The following BMAL1 variants were observed in gnomAD, a reference collection of about 807,000 sequenced individuals.
BMAL1 encodes the protein basic helix-loop-helix ARNT like 1.
the BMAL1 span, among the ~76,000 whole-genome samples, chr11:13,348,987 G>A: frequency 6.6e-6 from 1 of 152,228 alleles, no homozygotes; most frequent in South Asian, 2.1e-4. Flanking sequence ...TCAAGGCAGT[G>A]CAGGGATGGA....
the BMAL1 span, among the ~76,000 whole-genome samples, chr11:13,289,849 G>A: frequency 6.6e-6 from 1 of 152,204 alleles, no homozygotes; most frequent in African/African-American, 2.4e-5. Flanking sequence ...ACATACATAT[G>A]CATGTGTCTT....
the BMAL1 span, among the ~76,000 whole-genome samples, chr11:13,292,503 C>T: frequency 6.6e-5 from 10 of 151,100 alleles, no homozygotes; most frequent in South Asian, 1.3e-3. Flanking sequence ...GCCGAGATCG[C>T]GCCACTGCAC....
the BMAL1 span, among the ~76,000 whole-genome samples, chr11:13,322,581 T>C: frequency 2.6e-3 from 395 of 152,216 alleles, no homozygotes; most frequent in Non-Finnish European, 4.0e-3. Flanking sequence ...CCAGGCCTTA[T>C]GTTAGGTGAA....
the BMAL1 span, among the ~76,000 whole-genome samples, chr11:13,299,607 G>A: frequency 8.5e-3 from 1,301 of 152,252 alleles, 25 homozygotes; most frequent in African/African-American, 0.026. Flanking sequence ...TTGTGGTGGC[G>A]TGAGGGAGAG....
the BMAL1 span, among the ~76,000 whole-genome samples, chr11:13,343,902 C>G: frequency 6.6e-6 from 1 of 152,172 alleles, no homozygotes; most frequent in Non-Finnish European, 1.5e-5. Flanking sequence ...TTGCAGGATC[C>G]TCTCAACTGA....
At chr11:13,370,790 G>A in the BMAL1 span, among the ~76,000 whole-genome samples, 1 of 151,996 alleles carries the variant, frequency 6.6e-6, no homozygotes, top group African/African-American at 2.4e-5. Context: ...GTTCCCTATT[G>A]TTCTTGAAGA....
At chr11:13,382,478 G>A in the BMAL1 span, among the ~76,000 whole-genome samples, 3 of 152,162 alleles carry the variant, frequency 2.0e-5, no homozygotes, top group African/African-American at 7.2e-5. Context: ...ACTGACAGAT[G>A]AAGTCTGAGC....
chr11:13,325,891 G>A, the BMAL1 span, among the ~76,000 whole-genome samples: 1 of 151,780 alleles, frequency 6.6e-6, no homozygotes, highest in African/African-American at 2.4e-5. Flanking sequence ...GTCAAGTGCA[G>A]TAGTGAGAAG....
chr11:13,367,818 GTC>G, the BMAL1 span, among the ~76,000 whole-genome samples: 12 of 151,670 alleles, frequency 7.9e-5, no homozygotes, highest in Non-Finnish European at 1.8e-4. Flanking sequence ...ACCTCTCTCT[GTC>G]TCAGTTTTCT....
chr11:13,286,088 T>C, the BMAL1 span, among the ~76,000 whole-genome samples: 1 of 152,210 alleles, frequency 6.6e-6, no homozygotes, highest in African/African-American at 2.4e-5. Context: ...AACAATGAAG[T>C]AAATAGTGAT....
At chr11:13,282,170 GTAGT>G in the BMAL1 span, among the ~76,000 whole-genome samples, 1 of 152,170 alleles carries the variant, frequency 6.6e-6, no homozygotes, top group Non-Finnish European at 1.5e-5. Context: ...GTTTGGTTGG[GTAGT>G]TTAGCATACA....
the BMAL1 span, among the ~76,000 whole-genome samples, chr11:13,277,429 G>T: frequency 6.6e-6 from 1 of 152,186 alleles, no homozygotes; most frequent in African/African-American, 2.4e-5. Flanking sequence ...GGGCAGGGGC[G>T]AGGAACCCAG....
At chr11:13,291,893 A>G in the BMAL1 span, among the ~76,000 whole-genome samples, 1 of 152,182 alleles carries the variant, frequency 6.6e-6, no homozygotes, top group South Asian at 2.1e-4. Context: ...TTAATAGATG[A>G]TAAAACACGG....
At chr11:13,350,427 A>ATTTCCT in the BMAL1 span, among the ~76,000 whole-genome samples, 1 of 152,216 alleles carries the variant, frequency 6.6e-6, no homozygotes, top group East Asian at 1.9e-4. Flanking sequence ...CTTGAAGGAT[A>ATTTCCT]AATCAGAGAG....
At chr11:13,284,444 C>T in the BMAL1 span, among the ~76,000 whole-genome samples, 1 of 150,266 alleles carries the variant, frequency 6.7e-6, no homozygotes, top group Non-Finnish European at 1.5e-5. Flanking sequence ...AAACACAGGC[C>T]GTCCTGAATA....
At chr11:13,310,039 T>G in the BMAL1 span, 4 of 152,678 alleles carry the variant, frequency 2.6e-5, no homozygotes, top group African/African-American at 9.6e-5. Flanking sequence ...TTTTCCAATG[T>G]GGAATCCTGG....
the BMAL1 span, chr11:13,375,744 C>CAGT: frequency 6.3e-7 from 1 of 1,581,116 alleles, no homozygotes; most frequent in Non-Finnish European, 8.6e-7. Flanking sequence ...TATATTGTCT[C>CAGT]AACTAACACT....
At chr11:13,356,974 C>T in the BMAL1 span, 85 of 1,603,448 alleles carry the variant, frequency 5.3e-5, no homozygotes, top group Non-Finnish European at 7.2e-5. Flanking sequence ...CAGGATCAGG[C>T]AGAAGAAAAC....
chr11:13,331,225 A>G, the BMAL1 span, among the ~76,000 whole-genome samples: 1 of 152,246 alleles, frequency 6.6e-6, no homozygotes, highest in Admixed American at 6.5e-5. Context: ...ATATGTGTAT[A>G]TAACAGATTA....
Sources: allele counts gnomAD v4.1 joint callset (sites outside exome capture counted in the v4.1 genomes callset), GRCh38; gene constraint gnomAD v4.1.1; transcripts MANE v1.5; gene names NCBI Gene and HGNC (gene_info 2026-07-23, HGNC 2026-07-21).